FMNL2: variants seen among roughly 807,000 people sequenced by gnomAD.
The protein encoded by FMNL2 is formin like 2, also known as formin-like protein 2.
FMNL2 carries 51 observed loss-of-function variants against 130.2 expected under a neutral mutation model. The observed-to-expected ratio is 0.39, with a 90% CI of 0.31 to 0.49. The LOEUF (loss-of-function observed/expected upper bound fraction) is 0.49, where lower values mean the gene tolerates loss of function less well. Ranked by LOEUF, FMNL2 falls within the 20% of genes least tolerant of loss-of-function variation. The pLI, the probability that FMNL2 is intolerant of heterozygous loss-of-function variation, is 0.85. For missense variants in FMNL2, 977 were observed against 1,316.2 expected (o/e 0.74, Z 3.99); for synonymous variants, 465 against 467.1 (o/e 1.00, Z 0.06).
intron 1 of FMNL2, among the ~76,000 whole-genome samples, chr2:152,521,255 A>G (rs934074138): frequency 6.6e-6 from 1 of 152,210 alleles, no homozygotes; most frequent in African/African-American, 2.4e-5. Flanking sequence ...ATCCATGACC[A>G]GCACTACAGA....
intron 1 of FMNL2, among the ~76,000 whole-genome samples, chr2:152,435,193 A>C (rs1286483849): frequency 1.3e-5 from 2 of 152,142 alleles, no homozygotes; most frequent in African/African-American, 2.4e-5. Flanking sequence ...TGTTTAAGGG[A>C]AAATGAGGCC....
chr2:152,643,308 C>T (rs1033199351), intron 25 of FMNL2: 27 of 1,452,448 alleles, frequency 1.9e-5, no homozygotes, highest in Non-Finnish European at 2.3e-5. Context: ...CCATCTTCCC[C>T]ACCCCCATCC....
At chr2:152,493,107 T>C (rs139462113) in intron 1 of FMNL2, among the ~76,000 whole-genome samples, 12 of 152,202 alleles carry the variant, frequency 7.9e-5, no homozygotes, top group African/African-American at 2.9e-4. Context: ...TGATTCAAAT[T>C]GGCACTGTAA....
At chr2:152,609,648 AT>A (rs530283177) in intron 10 of FMNL2, among the ~76,000 whole-genome samples, 86 of 151,252 alleles carry the variant, frequency 5.7e-4, no homozygotes, top group African/African-American at 1.8e-3. Flanking sequence ...TTATTTTTTT[AT>A]TTTTTTTTAG....
At chr2:152,545,066 T>A (rs1694543670) in intron 3 of FMNL2, among the ~76,000 whole-genome samples, 1 of 152,198 alleles carries the variant, frequency 6.6e-6, no homozygotes, top group African/African-American at 2.4e-5. Flanking sequence ...TCAAGATCAG[T>A]CATTCAGCTC....
intron 2 of FMNL2, among the ~76,000 whole-genome samples, chr2:152,534,237 T>C (rs1217023367): frequency 1.3e-5 from 2 of 152,220 alleles, no homozygotes; most frequent in African/African-American, 2.4e-5. Flanking sequence ...GCACCACTTA[T>C]TGATTTTAGT....
At chr2:152,483,365 T>A (rs1328567594) in intron 1 of FMNL2, among the ~76,000 whole-genome samples, 1 of 151,932 alleles carries the variant, frequency 6.6e-6, no homozygotes, top group Non-Finnish European at 1.5e-5. Flanking sequence ...TAACCAGAAT[T>A]ACAGACACAT....
At chr2:152,488,598 G>C (rs149770337) in intron 1 of FMNL2, among the ~76,000 whole-genome samples, 1 of 152,270 alleles carries the variant, frequency 6.6e-6, no homozygotes, top group East Asian at 1.9e-4. Context: ...ATATCTGTCT[G>C]TAAACAGACA....
rs79280934 is a variant in FMNL2 at position 152,619,029 on chromosome 2, G to C, written c.1498G>C (p.Gly500Arg). The C allele has an allele frequency of 6.2e-7, 1 of 1,614,054 alleles. No individual in the cohort carries two copies. Among genetic ancestry groups the C allele is most frequent in the Non-Finnish European group, 8.5e-7 (1 of 1,179,908 alleles). Residue 500 changes from glycine to arginine, a missense_variant, in exon 14 of 26, where the codon GGC becomes CGC. By Grantham distance (125) the Gly-to-Arg change is moderately radical. Transcript: ENST00000288670. ...DIAILPVVASGTLSMGSEVVA... is the reference protein window; with the variant it reads ...DIAILPVVASRTLSMGSEVVA... ...CGCCATACTGCCAGTTGTGGCTTCT[G>C]GCACATTGTCCATGGGGTCAGAAGT...
At chr2:152,387,535 G>A (rs928600916) in intron 1 of FMNL2, among the ~76,000 whole-genome samples, 4 of 152,148 alleles carry the variant, frequency 2.6e-5, no homozygotes, top group Non-Finnish European at 5.9e-5. Flanking sequence ...CTTATCAAGG[G>A]GAAAGTTGTG....
intron 9 of FMNL2, among the ~76,000 whole-genome samples, chr2:152,587,322 G>A (rs544302319): frequency 2.7e-4 from 41 of 152,162 alleles, no homozygotes; most frequent in Non-Finnish European, 4.6e-4. Flanking sequence ...ATGATTGGCC[G>A]TCGGGTTACT....
At chr2:152,488,640 A>G (rs1489014401) in intron 1 of FMNL2, among the ~76,000 whole-genome samples, 1 of 152,226 alleles carries the variant, frequency 6.6e-6, no homozygotes, top group Non-Finnish European at 1.5e-5. Context: ...GTGTGTATGT[A>G]TATATGCACA....
At chr2:152,345,778 A>G (rs189012632) in intron 1 of FMNL2, among the ~76,000 whole-genome samples, 4 of 152,348 alleles carry the variant, frequency 2.6e-5, no homozygotes, top group Non-Finnish European at 4.4e-5. Context: ...TAATTTGGCC[A>G]TCCAGATGCG....
intron 1 of FMNL2, among the ~76,000 whole-genome samples, chr2:152,467,398 C>G (rs9288103): frequency 0.28 from 43,168 of 152,006 alleles, 6,502 homozygotes; most frequent in East Asian, 0.58. Context: ...TGTGCTTACA[C>G]TAGGAATCTT....
chr2:152,632,091 G>T lies in FMNL2; in HGVS notation c.2634G>T (p.Val878=). Residue 878 remains valine (V), a synonymous_variant, in exon 21 of 26, where the codon GTG becomes GTT. Coordinates refer to ENST00000288670, the MANE Select transcript of FMNL2 (RefSeq NM_052905.4). ...SNVVKEKYHQ[V]SLFYNELHYV... is the part of the protein sequence containing the mutation. ...TGGTGAAAGAAAAATATCACCAAGT[G>T]TCCCTGTTTTATAATGAGCTTCATT... is the stretch of plus-strand genomic sequence containing the variant. The T allele has an allele frequency of 6.2e-7, 1 of 1,613,202 alleles. No homozygotes were observed. The highest frequency in any genetic ancestry group is 8.5e-7 in the Non-Finnish European group (1 of 1,179,498).
At chr2:152,477,428 A>T (rs1690214785) in intron 1 of FMNL2, among the ~76,000 whole-genome samples, 2 of 152,164 alleles carry the variant, frequency 1.3e-5, no homozygotes, top group South Asian at 4.1e-4. Flanking sequence ...AAAATCTTCC[A>T]AAAAACCCCA....
chr2:152,439,162 A>T (rs774687750), intron 1 of FMNL2, among the ~76,000 whole-genome samples: 2 of 149,958 alleles, frequency 1.3e-5, no homozygotes, highest in Admixed American at 6.7e-5. Flanking sequence ...TCTTTTTAGT[A>T]GGTTTGGCTT....
At chr2:152,584,470 G>A (rs1038701096) in intron 9 of FMNL2, among the ~76,000 whole-genome samples, 9 of 152,332 alleles carry the variant, frequency 5.9e-5, no homozygotes, top group African/African-American at 2.2e-4. Flanking sequence ...GAGGGGTGAA[G>A]TAGGGGAGTT....
chr2:152,339,446 A>G (rs1681673614), intron 1 of FMNL2, among the ~76,000 whole-genome samples: 1 of 152,206 alleles, frequency 6.6e-6, no homozygotes, highest in African/African-American at 2.4e-5. Context: ...GACACTGCAT[A>G]ATATTATTCA....
Sources: gnomAD v4.1 joint callset for allele counts (sites outside exome capture counted in the v4.1 genomes callset) on GRCh38, gnomAD v4.1.1 for gene constraint, MANE v1.5 for transcripts, NCBI Gene and HGNC (gene_info 2026-07-23, HGNC 2026-07-21) for gene names.